The following PRKCB variants were observed in gnomAD, a reference collection of about 807,000 sequenced individuals.
PRKCB encodes protein kinase C beta type.
Under a neutral mutation model 81.5 loss-of-function variants are expected in PRKCB, and 13 were observed. That is an observed-to-expected ratio of 0.16 (90% CI 0.10 to 0.25). PRKCB has a LOEUF of 0.25. PRKCB is among the 10% of genes least tolerant of loss of function. PRKCB has a pLI of 1.00. For missense variants in PRKCB, 509 were observed against 875.7 expected, an observed-to-expected ratio of 0.58 and a Z score of 5.29; for synonymous variants, 335 against 321.4, an observed-to-expected ratio of 1.04 and a Z score of -0.45.
intron 2 of PRKCB, among the ~76,000 whole-genome samples, chr16:23,914,344 C>A (rs1461052979): frequency 1.3e-5 from 2 of 152,130 alleles, no homozygotes; most frequent in Non-Finnish European, 2.9e-5. Flanking sequence ...CAGTACAGCC[C>A]ATCATTGGCA....
chr16:24,108,160 ATTTTTTTTTCTT>A (rs910471571), intron 7 of PRKCB, among the ~76,000 whole-genome samples: 11 of 128,314 alleles, frequency 8.6e-5, no homozygotes, highest in Non-Finnish European at 1.2e-4. Flanking sequence ...CCATTTGTTT[ATTTTTTTTTCTT>A]TTTTTTTTTA....
chr16:24,047,711 T>G (rs151328195), intron 5 of PRKCB, among the ~76,000 whole-genome samples: 4 of 152,190 alleles, frequency 2.6e-5, no homozygotes, highest in Middle Eastern at 3.2e-3. Context: ...ACACCCACCA[T>G]ACCAGTGGGG....
chr16:24,070,473 T>C (rs756012919), intron 5 of PRKCB, among the ~76,000 whole-genome samples: 7 of 152,274 alleles, frequency 4.6e-5, no homozygotes, highest in Middle Eastern at 3.4e-3. Flanking sequence ...TTTAATGACA[T>C]TTAAAAATCA....
At chr16:23,929,496 T>C (rs1396885905) in intron 2 of PRKCB, among the ~76,000 whole-genome samples, 1 of 152,068 alleles carries the variant, frequency 6.6e-6, no homozygotes, top group South Asian at 2.1e-4. Flanking sequence ...TAGAGGGTTG[T>C]GAAGAGTGAA....
chr16:24,050,943 T>G (rs1965833954), intron 5 of PRKCB, among the ~76,000 whole-genome samples: 1 of 152,138 alleles, frequency 6.6e-6, no homozygotes, highest in African/African-American at 2.4e-5. Context: ...CAAGATTTTT[T>G]TTTTTTTTGA....
intron 2 of PRKCB, among the ~76,000 whole-genome samples, chr16:23,937,096 G>A (rs1964071994): frequency 6.6e-6 from 1 of 152,154 alleles, no homozygotes; most frequent in Non-Finnish European, 1.5e-5. Flanking sequence ...TACATCTAAT[G>A]GTTTTAGAGG....
chr16:23,847,540 TCATCCATCCAAC>T (rs1312105248), intron 2 of PRKCB, among the ~76,000 whole-genome samples: 50 of 30,994 alleles, frequency 1.6e-3, no homozygotes, highest in Non-Finnish European at 2.7e-3. Flanking sequence ...ATTCTTCCAT[TCATCCATCCAAC>T]CATCCATCCA....
At chr16:23,886,515 C>T (rs533514749) in intron 2 of PRKCB, among the ~76,000 whole-genome samples, 2 of 147,956 alleles carry the variant, frequency 1.4e-5, no homozygotes, top group Admixed American at 6.9e-5. Context: ...TGGGTTCAAC[C>T]GATTCTTCTG....
chr16:23,901,491 G>A (rs1260448326), intron 2 of PRKCB, among the ~76,000 whole-genome samples: 1 of 152,174 alleles, frequency 6.6e-6, no homozygotes. Context: ...CGGAAGGGGA[G>A]TGAGAGTAGA....
intron 3 of PRKCB, among the ~76,000 whole-genome samples, chr16:23,994,194 C>T (rs1000812830): frequency 1.3e-5 from 2 of 152,184 alleles, no homozygotes; most frequent in African/African-American, 4.8e-5. Flanking sequence ...GACACTGATT[C>T]TAGGAGACCT....
At chr16:23,866,312 G>C (rs1333546898) in intron 2 of PRKCB, among the ~76,000 whole-genome samples, 1 of 152,158 alleles carries the variant, frequency 6.6e-6, no homozygotes, top group African/African-American at 2.4e-5. Flanking sequence ...TCTGGAGTCA[G>C]CTAGATTTTG....
chr16:23,887,979 A>G (rs1395825105), intron 2 of PRKCB, among the ~76,000 whole-genome samples: 1 of 152,164 alleles, frequency 6.6e-6, no homozygotes, highest in Non-Finnish European at 1.5e-5. Context: ...CAGGGTCCCC[A>G]TGATCTTCCC....
rs1321768908 is a variant in PRKCB at position 24,217,696 on chromosome 16, C to G, written c.*2880C>G. ...CAGGGCTTTCCAAGGTGGGGCTGGTCAGAAGGGAATCTTTGATAAGAGGCC... is the reference window on the plus strand; with the variant it reads ...CAGGGCTTTCCAAGGTGGGGCTGGTGAGAAGGGAATCTTTGATAAGAGGCC... On this transcript the variant is annotated 3_prime_UTR_variant, in exon 17 of 17. Coordinates refer to ENST00000643927, the MANE Select transcript of PRKCB (RefSeq NM_002738.7). The G allele has an allele frequency of 4.1e-6, 4 of 985,308 alleles. No homozygotes were observed. The African/African-American group carries it at 7.0e-5, about 17-fold the overall frequency. 61.0% of individuals were successfully genotyped at this position (985,308 alleles called of 1,614,324 possible). A position where few individuals can be genotyped will look rare whatever the true frequency, so the allele number is the denominator to read the frequency against.
In PRKCB at chr16:24,215,856, G is replaced by T; in HGVS notation, c.*1040G>T. 1 of 985,432 alleles carries T rather than the reference G, an allele frequency of 1.0e-6. No homozygotes were observed. Among genetic ancestry groups the T allele is most frequent in the Non-Finnish European group, 1.2e-6 (1 of 829,870 alleles). 61.0% of individuals were successfully genotyped at this position (985,432 alleles called of 1,614,324 possible). A position where few individuals can be genotyped will look rare whatever the true frequency, so the allele number is the denominator to read the frequency against. Reference sequence around the variant, plus strand: ...AAAGCTAATTAAGTGCTCTGAAAAAGACACCGTTTCTTGAAACAAAGATGG... The same window carrying T: ...AAAGCTAATTAAGTGCTCTGAAAAATACACCGTTTCTTGAAACAAAGATGG... On this transcript the variant is annotated 3_prime_UTR_variant, in exon 17 of 17. Transcript: ENST00000643927.
Position 23,964,019 on chromosome 16 carries a change from G to T in PRKCB, c.206-24489G>T, listed in dbSNP as rs550240565. Among the ~76,000 whole-genome samples the T allele has an allele frequency of 4.6e-5, 7 of 152,264 alleles. No individual in the cohort carries two copies. In the South Asian group the frequency reaches 1.0e-3, roughly 23 times the overall value. On this transcript the variant is annotated intron_variant, in intron 2 of 16. Transcript: ENST00000643927. ...GGCTAGACATTTAGTATACTCCAGG[G>T]CTACTGCGGGGATTAAATGAGGTAT...
At position 24,212,461 on chromosome 16, in the gene PRKCB, CTTTTTTTTTTTTTT is replaced by C. The variant is rs975667798; in HGVS notation, c.1864-2184_1864-2171del. On this transcript the variant is annotated intron_variant, in intron 16 of 16. Coordinates refer to ENST00000643927, the MANE Select transcript of PRKCB (RefSeq NM_002738.7). ...CTCTCTCCTCCTGTGCTTTTTTTTC[CTTTTTTTTTTTTTT>C]TTTTTTTTTTTTCCTTTTTGGAGTC... Among the ~76,000 whole-genome samples the C allele has an allele frequency of 6.4e-5, 5 of 78,040 alleles. No individual in the cohort carries two copies. The East Asian group carries it at 1.4e-3, about 21-fold the overall frequency. The allele number at this position is 78,040 out of a possible 152,430, so 51.2% of individuals were successfully genotyped here.
At chr16:23,971,330 G>A (rs1964553224) in intron 2 of PRKCB, among the ~76,000 whole-genome samples, 1 of 152,190 alleles carries the variant, frequency 6.6e-6, no homozygotes. Context: ...GTTTACAAGT[G>A]TTGGCCTCTG....
At chr16:23,901,214 G>A (rs1963467174) in intron 2 of PRKCB, among the ~76,000 whole-genome samples, 1 of 152,072 alleles carries the variant, frequency 6.6e-6, no homozygotes. Context: ...TTTGCAAATT[G>A]CCTATAGTTC....
At position 23,853,990 on chromosome 16, in the gene PRKCB, A is replaced by C. The variant is rs982008549; in HGVS notation, c.205+16584A>C. On this transcript the variant is annotated intron_variant, in intron 2 of 16. Transcript: ENST00000643927. ...GTCAAGGCACTTCTTACATGGCAGC[A>C]GGCAAGAGAGCGTGCACAGGGGAAC... 7.6e-5 allele frequency among the ~76,000 whole-genome samples: 5 copies of C among 66,116 alleles called. 1 individual carries two copies. Among genetic ancestry groups the C allele is most frequent in the African/African-American group, 2.1e-4 (5 of 23,660 alleles). 43.4% of individuals were successfully genotyped at this position (66,116 alleles called of 152,430 possible).
Sources: allele counts gnomAD v4.1 joint callset (sites outside exome capture counted in the v4.1 genomes callset), GRCh38; gene constraint gnomAD v4.1.1; transcripts MANE v1.5; gene names NCBI Gene and HGNC (gene_info 2026-07-23, HGNC 2026-07-21).